The following ZFYVE26 variants were observed in gnomAD, a reference collection of about 807,000 sequenced individuals.
ZFYVE26 encodes the protein zinc finger FYVE domain-containing protein 26.
A neutral mutation model predicts 276.5 loss-of-function variants in ZFYVE26; 181 were observed. The ratio of observed to expected loss-of-function variants is 0.65; its 90% confidence interval spans 0.58 to 0.74. The LOEUF (loss-of-function observed/expected upper bound fraction) is 0.74, where lower values mean the gene tolerates loss of function less well. Among genes scored for constraint, ZFYVE26 ranks in the 30% least tolerant of loss-of-function variants. ZFYVE26 has a pLI of 0.00. For synonymous variants in ZFYVE26, 1,129 were observed against 1,203.1 expected (o/e 0.94, Z 1.27); for missense variants, 2,821 against 3,097.9 (o/e 0.91, Z 2.12).
chr14:67,782,767 G>C lies in ZFYVE26; in HGVS notation c.4372+13C>G. The stretch of plus-strand genomic sequence containing the variant: ...ACCACTAGTGAAAAAGGGAGGCATA[G>C]CATTCTGCTCACCACATGCCACAGC... On this transcript the variant is annotated intron_variant, in intron 21 of 41. Coordinates refer to ENST00000347230, the MANE Select transcript of ZFYVE26 (RefSeq NM_015346.4). The C allele has an allele frequency of 6.2e-7, 1 of 1,614,002 alleles. No individual in the cohort carries two copies. The highest frequency in any genetic ancestry group is 8.5e-7 in the Non-Finnish European group (1 of 1,180,034).
chr14:67,757,862 G>A (rs112847996), intron 35 of ZFYVE26, among the ~76,000 whole-genome samples: 6 of 151,760 alleles, frequency 4.0e-5, no homozygotes, highest in African/African-American at 7.3e-5. Context: ...ATACAGGCTC[G>A]TGCCACCATG....
chr14:67,798,702 G>A (rs1165063896), intron 10 of ZFYVE26, 80 bp from the exon 11 acceptor site: 4 of 1,575,552 alleles, frequency 2.5e-6, no homozygotes, highest in Non-Finnish European at 3.5e-6. Context: ...ACCTCCCAGC[G>A]TCAAACATTC....
chr14:67,783,664 A>G, intron 20 of ZFYVE26, 139 bp from the exon 21 acceptor site: 1 of 1,130,186 alleles, frequency 8.8e-7, no homozygotes, highest in East Asian at 2.6e-5. Context: ...AAACACAAAA[A>G]GTAGCCTATT....
In ZFYVE26 at chr14:67,746,998, T is replaced by C. The variant is rs1163971482; in HGVS notation, c.*1438A>G. 1 of 152,644 alleles carries C rather than the reference T, an allele frequency of 6.6e-6. No individual in the cohort carries two copies. The highest frequency in any genetic ancestry group is 2.4e-5 in the African/African-American group (1 of 41,456). 9.5% of individuals were successfully genotyped at this position (152,644 alleles called of 1,614,324 possible). ...TTGTTTATTTTACTACTAAAAATCT[T>C]GGTTCAGAGGGAAATCCACAGGGTT... On this transcript the variant is annotated 3_prime_UTR_variant, in exon 42 of 42. Transcript: ENST00000347230.
At chr14:67,806,466 G>A in intron 6 of ZFYVE26, 79 bp downstream of exon 6, 2 of 1,581,622 alleles carry the variant, frequency 1.3e-6, no homozygotes, top group African/African-American at 1.3e-5. Flanking sequence ...GGCCAAATGA[G>A]TGGGAGAGAA....
At chr14:67,778,777 G>C (rs1291523154) in intron 23 of ZFYVE26, among the ~76,000 whole-genome samples, 2 of 148,306 alleles carry the variant, frequency 1.3e-5, no homozygotes, top group Non-Finnish European at 3.0e-5. Flanking sequence ...AGAATTCCTA[G>C]GGCTTTGTTC....
intron 40 of ZFYVE26, 71 bp from the exon 41 acceptor site, chr14:67,751,167 GC>G: frequency 6.4e-7 from 1 of 1,561,270 alleles, no homozygotes; most frequent in Non-Finnish European, 8.8e-7. Flanking sequence ...GCCCAACCCA[GC>G]CTCAGCCCAG....
Position 67,815,789 on chromosome 14 carries a change from C to A in ZFYVE26, c.175G>T (p.Val59Leu), listed in dbSNP as rs1555401096. The A allele has an allele frequency of 1.2e-6, 2 of 1,613,434 alleles. No individual in the cohort carries two copies. The highest frequency in any genetic ancestry group is 8.5e-7 in the Non-Finnish European group (1 of 1,180,038). ...CCTTACCTCAGCAGATTTGGACACA[C>A]CACCAATGCCTGAAGTATGTCTTCT... ...RVEDILQALV[V>L]CPNLLRCGQD... The change falls in exon 2 of 42, where the codon GTG (valine) becomes TTG (leucine). Residue 59 changes from valine (V) to leucine (L), a missense_variant. Transcript: ENST00000347230.
At chr14:67,788,795 G>T (rs1209667583) in intron 16 of ZFYVE26, among the ~76,000 whole-genome samples, 1 of 152,150 alleles carries the variant, frequency 6.6e-6, no homozygotes, top group African/African-American at 2.4e-5. Flanking sequence ...CTCCTCCACT[G>T]CTCAGTCCTT....
Position 67,807,637 on chromosome 14 carries a change from T to C in ZFYVE26, c.647A>G (p.Asp216Gly), listed in dbSNP as rs550411243. The change falls in exon 5 of 42, where the codon GAT becomes GGT. Residue 216 changes from aspartate (D) to glycine (G), a missense_variant. By Grantham distance (94) the Asp-to-Gly change is moderately conservative. Coordinates refer to ENST00000347230, the MANE Select transcript of ZFYVE26 (RefSeq NM_015346.4). ...AGTCCGCAGGGCTCCATAGATGGCA[T>C]CGACTACCCCAGGGGGCACCGAATC... ...GPDSVPPGVV[D>G]AIYGALRTLR... The C allele has an allele frequency of 2.5e-6, 4 of 1,614,166 alleles. No individual in the cohort carries two copies. The African/African-American group carries it at 4.0e-5, about 16-fold the overall frequency.
chr14:67,767,584 C>T (rs1434337473), intron 31 of ZFYVE26, 120 bp downstream of exon 31: 4 of 1,335,154 alleles, frequency 3.0e-6, no homozygotes, highest in Non-Finnish European at 4.3e-6. Flanking sequence ...GGTTTAGCTC[C>T]CATATTATTG....
At chr14:67,799,741 T>C in intron 10 of ZFYVE26, 1 of 706,952 alleles carries the variant, frequency 1.4e-6, no homozygotes, top group Non-Finnish European at 2.4e-6. Context: ...TTTTTCAGAT[T>C]GACTAGGCCA....
At chr14:67,794,085 C>A in intron 13 of ZFYVE26, 86 bp downstream of exon 13, 1 of 1,432,958 alleles carries the variant, frequency 7.0e-7, no homozygotes, top group South Asian at 1.2e-5. Context: ...CTTGACTGCT[C>A]AATCCTGGCT....
At position 67,790,568 on chromosome 14, in the gene ZFYVE26, T is replaced by C; in HGVS notation, c.2755+4A>G. 1 of 1,613,174 alleles carries C rather than the reference T, an allele frequency of 6.2e-7. No homozygotes were observed. The highest frequency in any genetic ancestry group is 2.2e-5 in the East Asian group (1 of 44,886). ...CACTTATGGTGTTAGCAGGGAAGCC[T>C]GACCTGCTGCTGCAGCGCTGCCAAT... On this transcript the variant is annotated splice_donor_region_variant and intron_variant, in intron 15 of 41. Coordinates refer to ENST00000347230, the MANE Select transcript of ZFYVE26 (RefSeq NM_015346.4).
At chr14:67,781,272 G>A in intron 22 of ZFYVE26, 61 bp downstream of exon 22, 1 of 1,555,968 alleles carries the variant, frequency 6.4e-7, no homozygotes, top group Non-Finnish European at 8.9e-7. Flanking sequence ...ATATAAGATA[G>A]GTTGGGGTTG....
At chr14:67,780,146 G>T (rs2039458262) in intron 23 of ZFYVE26, 95 bp downstream of exon 23, 1 of 1,181,738 alleles carries the variant, frequency 8.5e-7, no homozygotes, top group South Asian at 1.3e-5. Flanking sequence ...TTTAAAAAGT[G>T]AACATTGATA....
chr14:67,797,224 A>C (rs911775997), intron 12 of ZFYVE26: 1 of 216,298 alleles, frequency 4.6e-6, no homozygotes, highest in Non-Finnish European at 9.3e-6. Context: ...CTGTATTTAC[A>C]CAAGTATGCA....
At chr14:67,806,266 A>G (rs1231075530) in intron 6 of ZFYVE26, among the ~76,000 whole-genome samples, 1 of 152,252 alleles carries the variant, frequency 6.6e-6, no homozygotes, top group East Asian at 1.9e-4. Flanking sequence ...TATTGTTGCC[A>G]CTGCCTTTTC....
chr14:67,746,649 T>C lies in ZFYVE26; in HGVS notation c.*1787A>G, dbSNP rs1013289394. 6.6e-5 allele frequency: 10 copies of C among 152,368 alleles called. No individual in the cohort carries two copies. Among genetic ancestry groups the C allele is most frequent in the Non-Finnish European group, 1.3e-4 (9 of 68,046 alleles). The allele number at this position is 152,368 out of a possible 1,614,324, so 9.4% of individuals were successfully genotyped here. On this transcript the variant is annotated 3_prime_UTR_variant, in exon 42 of 42. Coordinates refer to ENST00000347230, the MANE Select transcript of ZFYVE26 (RefSeq NM_015346.4). ...TGGTGTTCAAAGGCTTTTAGCCTCATCTCATATCAGTCTAGTCAGTGGTTG... is the reference window on the plus strand; with the variant it reads ...TGGTGTTCAAAGGCTTTTAGCCTCACCTCATATCAGTCTAGTCAGTGGTTG...
Sources: allele counts gnomAD v4.1 joint callset (sites outside exome capture counted in the v4.1 genomes callset), GRCh38; gene constraint gnomAD v4.1.1; transcripts MANE v1.5; gene names NCBI Gene and HGNC (gene_info 2026-07-23, HGNC 2026-07-21).